RNF17: variants seen among roughly 807,000 people sequenced by gnomAD.
The protein encoded by RNF17 is spermatogenesis associated 23.
RNF17 carries 31 observed loss-of-function variants against 200.5 expected under a neutral mutation model. The ratio of observed to expected loss-of-function variants is 0.15; its 90% CI spans 0.12 to 0.21. The LOEUF (loss-of-function observed/expected upper bound fraction) is 0.21. RNF17 is among the 10% of genes least tolerant of loss of function. The pLI is 1.00. For missense variants in RNF17, 1,628 were observed against 1,905.1 expected (o/e 0.85, Z 2.71); for synonymous variants, 606 against 637.8 (o/e 0.95, Z 0.75).
In RNF17 at chr13:24,847,108, A is replaced by G. The variant is rs1891338336; in HGVS notation, c.3101+2029A>G. ...CAAGGATCTCATGAGAGAACTCCAG[A>G]TACACTATACAATATACCTTAACAT... On this transcript the variant is annotated intron_variant, in intron 22 of 35. Coordinates refer to ENST00000255324, the MANE Select transcript of RNF17 (RefSeq NM_031277.3). Among the ~76,000 whole-genome samples, 6 of 152,254 alleles carry G rather than the reference A, an allele frequency of 3.9e-5. No homozygotes were observed. The South Asian group carries it at 8.3e-4, about 21-fold the overall frequency.
chr13:24,861,486 C>T, intron 27 of RNF17, 99 bp downstream of exon 27: 5 of 867,842 alleles, frequency 5.8e-6, no homozygotes, highest in Non-Finnish European at 8.1e-6. Flanking sequence ...ATTTCAGTTG[C>T]AACAAAAAAG....
At chr13:24,749,426 C>T in the RNF17 span, among the ~76,000 whole-genome samples, 1 of 150,710 alleles carries the variant, frequency 6.6e-6, no homozygotes, top group Non-Finnish European at 1.5e-5. Flanking sequence ...TCCTCAGCCT[C>T]CCAAGTAGCT....
At position 24,840,529 on chromosome 13, in the gene RNF17, A is replaced by G. The variant is rs115396539; in HGVS notation, c.2483-1512A>G. On this transcript the variant is annotated intron_variant, in intron 18 of 35. Transcript: ENST00000255324. ...GAAACTGTGATTTATACATATATAT[A>G]TGTGTGTGTGTGTGAATATGAATGA... 3.4e-3 allele frequency among the ~76,000 whole-genome samples: 473 copies of G among 140,188 alleles called. 7 individuals carry two copies. Among genetic ancestry groups the G allele is most frequent in the African/African-American group, 0.012 (447 of 37,098 alleles). The allele number at this position is 140,188 out of a possible 152,430, so 92.0% of individuals were successfully genotyped here.
intron 15 of RNF17, among the ~76,000 whole-genome samples, chr13:24,815,481 TG>T (rs1887284477): frequency 6.9e-6 from 1 of 145,692 alleles, no homozygotes; most frequent in Non-Finnish European, 1.5e-5. Flanking sequence ...GTGTATAATT[TG>T]GGGGGATTTT....
In RNF17 at chr13:24,779,741, T is replaced by A. The variant is rs1882093344; in HGVS notation, c.504T>A (p.Ala168=). ...ATAGTTTCGAACAGTTAAGCATTGC[T>A]GGAAAAGTAAGCACTTTGCAGGATT... is the stretch of plus-strand genomic sequence containing the variant. ...AHHSFEQLSI[A]GKALEHMQKQ... The change falls in exon 5 of 36, where the codon GCT becomes GCA. Residue 168 remains alanine (A), a synonymous_variant. Transcript: ENST00000255324. The A allele has an allele frequency of 6.2e-7, 1 of 1,611,896 alleles. No homozygotes were observed. Among genetic ancestry groups the A allele is most frequent in the East Asian group, 2.2e-5 (1 of 44,810 alleles).
intron 18 of RNF17, among the ~76,000 whole-genome samples, chr13:24,839,430 A>G (rs1890373844): frequency 6.6e-6 from 1 of 152,246 alleles, no homozygotes; most frequent in Non-Finnish European, 1.5e-5. Flanking sequence ...TAGCCAAAGC[A>G]AGACTAAGCA....
At chr13:24,810,158 C>T (rs1377189784) in intron 15 of RNF17, among the ~76,000 whole-genome samples, 111 of 150,118 alleles carry the variant, frequency 7.4e-4, no homozygotes, top group African/African-American at 2.2e-3. Flanking sequence ...CTATTAGATC[C>T]GCTTGGTGCA....
chr13:24,844,452 G>T (rs1318913164), intron 20 of RNF17, among the ~76,000 whole-genome samples, 200 bp from the exon 21 acceptor site: 2 of 152,150 alleles, frequency 1.3e-5, no homozygotes, highest in African/African-American at 4.8e-5. Flanking sequence ...AGCCATATAA[G>T]TGTCTGAGGG....
At chr13:24,867,085 C>A (rs1275031591) in intron 30 of RNF17, among the ~76,000 whole-genome samples, 2 of 152,154 alleles carry the variant, frequency 1.3e-5, no homozygotes, top group African/African-American at 4.8e-5. Flanking sequence ...CCCTTCAAAT[C>A]TATTTGAGTT....
intron 3 of RNF17, among the ~76,000 whole-genome samples, chr13:24,775,121 A>C (rs1393878860): frequency 6.6e-6 from 1 of 152,206 alleles, no homozygotes; most frequent in Admixed American, 6.5e-5. Flanking sequence ...AGAAAGAAAA[A>C]ATGTTAAGGA....
At chr13:24,841,845 A>G (rs995485997) in intron 18 of RNF17, among the ~76,000 whole-genome samples, 196 bp from the exon 19 acceptor site, 2 of 152,070 alleles carry the variant, frequency 1.3e-5, no homozygotes, top group Non-Finnish European at 2.9e-5. Flanking sequence ...CAGTGTCTGT[A>G]GTCCCAGCTA....
intron 3 of RNF17, 83 bp downstream of exon 3, chr13:24,774,987 C>A: frequency 1.1e-6 from 1 of 905,058 alleles, no homozygotes; most frequent in Non-Finnish European, 1.7e-6. Context: ...AAATGTCATC[C>A]TTAAGTCTGC....
chr13:24,850,323 C>T lies in RNF17; in HGVS notation c.3102-18C>T. 1.3e-6 allele frequency: 2 copies of T among 1,542,562 alleles called. No homozygotes were observed. The highest frequency in any genetic ancestry group is 1.8e-6 in the Non-Finnish European group (2 of 1,117,372). ...ATGCTATTTTTATAAAACAAGTTGC[C>T]ACTGTTTTCTGTTGTAGACCAGCTG... is the stretch of plus-strand genomic sequence containing the variant. On this transcript the variant is annotated intron_variant, in intron 22 of 35. Coordinates refer to ENST00000255324, the MANE Select transcript of RNF17 (RefSeq NM_031277.3).
rs139961055 is a variant in RNF17, at chr13:24,873,961, A to G, written c.4448-153A>G. Among the ~76,000 whole-genome samples, 26 of 152,232 alleles carry G rather than the reference A, an allele frequency of 1.7e-4. No homozygotes were observed. The East Asian group carries it at 4.4e-3, about 26-fold the overall frequency. On this transcript the variant is annotated intron_variant, in intron 32 of 35. Transcript: ENST00000255324. ...ATTTTCTTTATCCATTCATCTGTTG[A>G]TGGACACCTGGGTTGATTCCGTATC... is the stretch of plus-strand genomic sequence containing the variant.
chr13:24,870,189 A>G (rs909874146), intron 31 of RNF17, among the ~76,000 whole-genome samples: 2 of 151,856 alleles, frequency 1.3e-5, no homozygotes, highest in Non-Finnish European at 2.9e-5. Context: ...CTTGTGAGTC[A>G]CCCTGCCGCG....
chr13:24,858,569 G>A (rs1892762290), intron 25 of RNF17, among the ~76,000 whole-genome samples: 1 of 53,742 alleles, frequency 1.9e-5, no homozygotes. Context: ...TATGGTATCA[G>A]TTATGGATAT....
chr13:24,874,354 GC>G, intron 33 of RNF17, 105 bp downstream of exon 33: 1 of 935,576 alleles, frequency 1.1e-6, no homozygotes, highest in Non-Finnish European at 1.5e-6. Context: ...TTATTCTAAG[GC>G]TGTTTATAAA....
Position 24,802,458 on chromosome 13 carries a change from T to C in RNF17, c.1836T>C (p.Phe612=), listed in dbSNP as rs1321449033. The C allele has an allele frequency of 1.2e-6, 2 of 1,614,006 alleles. No individual in the cohort carries two copies. The highest frequency in any genetic ancestry group is 3.3e-5 in the Admixed American group (2 of 59,998). The part of the protein sequence containing the change: ...VNNKAVSMKV[F]REEDGVLIVD... The stretch of plus-strand genomic sequence containing the variant: ...ACAAGGCTGTTTCAATGAAAGTTTT[T>C]AGAGAAGAAGATGGTGTGCTTATTG... The change falls in exon 14 of 36, where the codon TTT becomes TTC. Residue 612 remains phenylalanine (F), a synonymous_variant. Transcript: ENST00000255324.
Position 24,788,072 on chromosome 13 carries a change from G to C in RNF17, c.696G>C (p.Glu232Asp). Residue 232 changes from glutamate (E) to aspartate (D), a missense_variant, in exon 7 of 36, where the codon GAG becomes GAC. Coordinates refer to ENST00000255324, the MANE Select transcript of RNF17 (RefSeq NM_031277.3). ...TAAAGGCTAAAAGCTACATTGAAGA[G>C]AAAAAAAATAATTTGAATGCAGCTA... is the stretch of plus-strand genomic sequence containing the variant. ...NLIKAKSYIE[E>D]KKNNLNAAMN... 1.9e-6 allele frequency: 3 copies of C among 1,594,614 alleles called. No individual in the cohort carries two copies. Among genetic ancestry groups the C allele is most frequent in the Non-Finnish European group, 1.7e-6 (2 of 1,173,362 alleles).
Sources: allele counts gnomAD v4.1 joint callset (sites outside exome capture counted in the v4.1 genomes callset), GRCh38; gene constraint gnomAD v4.1.1; transcripts MANE v1.5; gene names NCBI Gene and HGNC (gene_info 2026-07-23, HGNC 2026-07-21).